SEMA5B: variants seen among roughly 807,000 people sequenced by gnomAD.
SEMA5B encodes semaphorin 5B, also known as semaphorin-5B.
In SEMA5B, 66 loss-of-function variants were observed where a neutral mutation model predicts 135.0. The observed-to-expected ratio is 0.49, with a 90% CI of 0.40 to 0.60. The LOEUF (loss-of-function observed/expected upper bound fraction) is 0.60. Among genes scored for constraint, SEMA5B ranks in the 20% least tolerant of loss-of-function variants. SEMA5B has a pLI of 0.00. For synonymous variants in SEMA5B, 690 were observed against 639.5 expected, an observed-to-expected ratio of 1.08 and a Z score of -1.19; for missense variants, 1,501 against 1,566.3, an observed-to-expected ratio of 0.96 and a Z score of 0.70.
intron 5 of SEMA5B, among the ~76,000 whole-genome samples, chr3:122,930,749 CT>C (rs1938928354): frequency 6.6e-6 from 1 of 152,222 alleles, no homozygotes; most frequent in South Asian, 2.1e-4. Context: ...CACTTTTTCT[CT>C]TTGATCCTCA....
In SEMA5B at chr3:122,912,281, A is replaced by T. The variant is rs1576326202; in HGVS notation, c.2787T>A (p.Gly929=). Residue 929 remains glycine, a synonymous_variant, in exon 19 of 23, where the codon GGT becomes GGA. Transcript: ENST00000357599. ...WSPCSASCGG[G]HYQRTRSCTS... ...TGCAGGAACGGGTGCGTTGATAGTG[A>T]CCCCCACCACAGGAAGCTGAGCATG... is the stretch of plus-strand genomic sequence containing the variant. The T allele has an allele frequency of 6.2e-7, 1 of 1,611,298 alleles. No homozygotes were observed. Among genetic ancestry groups the T allele is most frequent in the Non-Finnish European group, 8.5e-7 (1 of 1,178,820 alleles).
Position 122,913,956 on chromosome 3 carries a change from C to G in SEMA5B, c.2034G>C (p.Thr678=). 1 of 1,611,756 alleles carries G rather than the reference C, an allele frequency of 6.2e-7. No individual in the cohort carries two copies. Among genetic ancestry groups the G allele is most frequent in the African/African-American group, 1.3e-5 (1 of 75,052 alleles). Residue 678 remains threonine (T), a synonymous_variant, in exon 15 of 23, where the codon ACG becomes ACC. Transcript: ENST00000357599. ...TPWSSWALCS[T]SCGIGFQVRQ... is the part of the protein sequence containing the mutation. The stretch of plus-strand genomic sequence containing the variant: ...GGACCTGGAAGCCGATGCCACAGGA[C>G]GTGCTGCACAGCGCCCACGATGACC...
intron 5 of SEMA5B, among the ~76,000 whole-genome samples, chr3:122,937,438 C>G (rs917654112): frequency 2.0e-5 from 3 of 152,214 alleles, no homozygotes; most frequent in African/African-American, 7.2e-5. Context: ...CTTGTTCTCT[C>G]CCCTCTGTGG....
intron 1 of SEMA5B, among the ~76,000 whole-genome samples, chr3:123,010,868 G>A (rs1942424528): frequency 6.6e-6 from 1 of 151,416 alleles, no homozygotes; most frequent in South Asian, 2.1e-4. Context: ...GCCCAGAGCA[G>A]GTGAGGGTGT....
intron 1 of SEMA5B, among the ~76,000 whole-genome samples, chr3:122,997,119 G>C (rs1297283614): frequency 6.6e-6 from 1 of 152,144 alleles, no homozygotes; most frequent in Non-Finnish European, 1.5e-5. Context: ...TGGCACTATG[G>C]TTTGTAAACT....
At chr3:122,997,490 C>T (rs1942049307) in intron 1 of SEMA5B, among the ~76,000 whole-genome samples, 1 of 151,900 alleles carries the variant, frequency 6.6e-6, no homozygotes, top group African/African-American at 2.4e-5. Flanking sequence ...AGACTGAGGC[C>T]ACGCTACCTG....
intron 2 of SEMA5B, among the ~76,000 whole-genome samples, chr3:122,951,989 A>G (rs997062306): frequency 9.2e-5 from 14 of 152,220 alleles, no homozygotes; most frequent in African/African-American, 3.4e-4. Flanking sequence ...AGGAAATAAC[A>G]GCACGAAGCC....
chr3:123,028,432 G>A (rs994283612), upstream of SEMA5B: 1 of 152,290 alleles, frequency 6.6e-6, no homozygotes, highest in African/African-American at 2.4e-5. Flanking sequence ...GTAAACTGGG[G>A]TTAGTAATAC....
In SEMA5B at chr3:122,975,975, C is replaced by T. The variant is rs1941304996; in HGVS notation, c.-38-14674G>A. ...CCTCAACACATCCCAAATCTAGAAA[C>T]TCTTCATGTCATGCACTTGCCCACC... is the stretch of plus-strand genomic sequence containing the variant. On this transcript the variant is annotated intron_variant, in intron 1 of 22. Transcript: ENST00000357599. 4 of 1,533,130 alleles carry T rather than the reference C, an allele frequency of 2.6e-6. No individual in the cohort carries two copies. In the South Asian group the frequency reaches 3.6e-5, roughly 14 times the overall value. The allele number at this position is 1,533,130 out of a possible 1,614,324, so 95.0% of individuals were successfully genotyped here. A position where few individuals can be genotyped will look rare whatever the true frequency, so the allele number is the denominator to read the frequency against.
chr3:123,026,685 C>T (rs1942808440), intron 1 of SEMA5B, among the ~76,000 whole-genome samples: 1 of 152,238 alleles, frequency 6.6e-6, no homozygotes, highest in East Asian at 1.9e-4. Context: ...CTCCCTCCCT[C>T]CTCGCTGGAT....
At chr3:123,002,041 G>C (rs924344697) in intron 1 of SEMA5B, among the ~76,000 whole-genome samples, 2 of 152,156 alleles carry the variant, frequency 1.3e-5, no homozygotes, top group South Asian at 2.1e-4. Context: ...AGACAACCAA[G>C]GCACAAGAAT....
At chr3:122,914,507 C>A (rs1314085803) in intron 14 of SEMA5B, among the ~76,000 whole-genome samples, 3 of 152,210 alleles carry the variant, frequency 2.0e-5, no homozygotes, top group Non-Finnish European at 2.9e-5. Context: ...AAACCCTGGG[C>A]AAGTTACTAG....
intron 1 of SEMA5B, among the ~76,000 whole-genome samples, chr3:122,999,147 A>T (rs115743143): frequency 1.3e-3 from 197 of 152,270 alleles, no homozygotes; most frequent in African/African-American, 4.6e-3. Flanking sequence ...ACCTTCTATC[A>T]TCTTTCATTT....
Position 122,923,623 on chromosome 3 carries a change from A to G in SEMA5B, c.1266T>C (p.Asn422=). The G allele has an allele frequency of 1.9e-6, 3 of 1,613,988 alleles. No individual in the cohort carries two copies. The South Asian group carries it at 3.3e-5, about 18-fold the overall frequency. Reference sequence around the variant, plus strand: ...AGAGGAGGAGATTCTGTACCTGGAAATTGGGGATGGGGTTGGCTATGGGGA... The same window carrying G: ...AGAGGAGGAGATTCTGTACCTGGAAGTTGGGGATGGGGTTGGCTATGGGGA... The part of the protein sequence containing the change: ...AWLPIANPIP[N]FQCGTLPETG... Residue 422 remains asparagine, a synonymous_variant, in exon 10 of 23, where the codon AAT becomes AAC. Transcript: ENST00000357599.
intron 5 of SEMA5B, among the ~76,000 whole-genome samples, chr3:122,931,106 T>C (rs1938949605): frequency 1.3e-5 from 2 of 152,204 alleles, no homozygotes; most frequent in African/African-American, 4.8e-5. Context: ...AAAAGTTAAA[T>C]AGTATTAAAA....
At chr3:122,983,441 A>T (rs1423719002) in intron 1 of SEMA5B, among the ~76,000 whole-genome samples, 4 of 151,812 alleles carry the variant, frequency 2.6e-5, no homozygotes, top group Non-Finnish European at 5.9e-5. Flanking sequence ...ACAATAAATC[A>T]TCCGCGGGGC....
intron 10 of SEMA5B, among the ~76,000 whole-genome samples, chr3:122,923,135 C>T (rs992409443): frequency 6.6e-6 from 1 of 152,202 alleles, no homozygotes; most frequent in Non-Finnish European, 1.5e-5. Context: ...TCCTCTGCCC[C>T]CTGGTTCTTT....
Position 122,922,325 on chromosome 3 carries a change from G to C in SEMA5B, c.1395C>G (p.Thr465=). 6.2e-7 allele frequency: 1 copy of C among 1,613,984 alleles called. No individual in the cohort carries two copies. Among genetic ancestry groups the C allele is most frequent in the South Asian group, 1.1e-5 (1 of 91,032 alleles). The change falls in exon 11 of 23, where the codon ACC becomes ACG. Residue 465 remains threonine, a synonymous_variant. Transcript: ENST00000357599. ...VQPVTPEPCV[T]QDSVRFSHLV... ...GGTGTGAGAAGCGCACGCTGTCCTG[G>C]GTGACACAGGGCTCGGGTGTCACCG...
intron 1 of SEMA5B, among the ~76,000 whole-genome samples, chr3:122,965,191 C>T (rs1055862073): frequency 2.0e-5 from 3 of 152,190 alleles, no homozygotes; most frequent in Non-Finnish European, 4.4e-5. Context: ...CTCAGTGCCT[C>T]GGATTATACA....
Sources: allele counts gnomAD v4.1 joint callset (sites outside exome capture counted in the v4.1 genomes callset), GRCh38; gene constraint gnomAD v4.1.1; transcripts MANE v1.5; gene names NCBI Gene and HGNC (gene_info 2026-07-23, HGNC 2026-07-21).